Variants in NREP observed in about 807,000 individuals in gnomAD.
The protein encoded by NREP is neuronal regeneration-related protein.
Under a neutral mutation model 8.6 loss-of-function variants are expected in NREP, and 5 were observed. The ratio of observed to expected loss-of-function variants is 0.58; its 90% CI spans 0.30 to 1.22. The LOEUF (loss-of-function observed/expected upper bound fraction) is 1.22, where lower values mean the gene tolerates loss of function less well. NREP is among the 50% of genes most tolerant of loss of function. NREP has a pLI of 0.07. For synonymous variants in NREP, 27 were observed against 28.0 expected (o/e 0.96, Z 0.11); for missense variants, 86 against 82.5 (o/e 1.04, Z -0.17).
At chr5:111,907,241 T>G (rs557693960) in intron 2 of NREP, among the ~76,000 whole-genome samples, 2 of 152,280 alleles carry the variant, frequency 1.3e-5, no homozygotes, top group South Asian at 4.1e-4. Context: ...TCTTTGATAT[T>G]GTATTTAAAA....
intron 2 of NREP, among the ~76,000 whole-genome samples, chr5:111,818,689 T>C (rs1213318983): frequency 6.6e-6 from 1 of 152,224 alleles, no homozygotes; most frequent in Non-Finnish European, 1.5e-5. Context: ...TCTAGAAATG[T>C]ACCAAAGAAA....
chr5:111,772,816 A>T (rs1751262814), intron 2 of NREP, among the ~76,000 whole-genome samples: 2 of 152,196 alleles, frequency 1.3e-5, no homozygotes, highest in African/African-American at 4.8e-5. Flanking sequence ...TTTATTATGT[A>T]TTATTAATAA....
intron 2 of NREP, among the ~76,000 whole-genome samples, chr5:111,893,208 T>C (rs900297312): frequency 6.6e-6 from 1 of 152,198 alleles, no homozygotes; most frequent in Non-Finnish European, 1.5e-5. Context: ...GTCATCAGGA[T>C]GGCCTTTTGC....
At chr5:111,800,161 C>T (rs372378930) in intron 2 of NREP, among the ~76,000 whole-genome samples, 40 of 152,190 alleles carry the variant, frequency 2.6e-4, no homozygotes, top group Admixed American at 6.5e-4. Context: ...AACTCCTGCC[C>T]TTGTGATTCG....
At chr5:111,883,250 A>T (rs1754137643) in intron 2 of NREP, among the ~76,000 whole-genome samples, 1 of 152,240 alleles carries the variant, frequency 6.6e-6, no homozygotes, top group Non-Finnish European at 1.5e-5. Flanking sequence ...TGGTAAAGGG[A>T]TCAATTCAAT....
intron 2 of NREP, among the ~76,000 whole-genome samples, chr5:111,832,822 G>A (rs1752805722): frequency 6.6e-6 from 1 of 152,122 alleles, no homozygotes; most frequent in Admixed American, 6.6e-5. Flanking sequence ...TCATTCCATG[G>A]TAGGACAAAT....
chr5:111,735,529 C>T (rs1749021672), intron 2 of NREP, 22 bp from the exon 3 acceptor site: 4 of 1,563,432 alleles, frequency 2.6e-6, no homozygotes, highest in Non-Finnish European at 3.5e-6. Flanking sequence ...CAAAAGCATA[C>T]ACATTCAGAT....
chr5:111,823,202 G>C (rs184852151), intron 2 of NREP, among the ~76,000 whole-genome samples: 5 of 152,226 alleles, frequency 3.3e-5, no homozygotes, highest in Admixed American at 6.5e-5. Context: ...AATAGAGTGA[G>C]AACTCACTCA....
At chr5:111,759,602 T>G (rs1199566055), upstream of NREP, among the ~76,000 whole-genome samples, 1 of 152,176 alleles carries the variant, frequency 6.6e-6, no homozygotes, top group African/African-American at 2.4e-5. Flanking sequence ...GATTTTTAAG[T>G]ATTAAGAACA....
chr5:111,889,176 G>A (rs1014304278), intron 2 of NREP, among the ~76,000 whole-genome samples: 7 of 152,230 alleles, frequency 4.6e-5, no homozygotes, highest in African/African-American at 1.7e-4. Flanking sequence ...AAAGCATACT[G>A]CTGGTGTCTG....
chr5:111,749,429 G>GA (rs35475618), intron 2 of NREP, among the ~76,000 whole-genome samples: 123 of 144,798 alleles, frequency 8.5e-4, no homozygotes, highest in Middle Eastern at 3.6e-3. Context: ...GAGATTGCAG[G>GA]AAAAAAAAAA....
chr5:111,804,540 A>G (rs1752090754), intron 2 of NREP, among the ~76,000 whole-genome samples: 1 of 152,208 alleles, frequency 6.6e-6, no homozygotes, highest in African/African-American at 2.4e-5. Flanking sequence ...AATTTGGACT[A>G]CATTAAGCAA....
chr5:111,736,379 G>C (rs1477047549), intron 2 of NREP, among the ~76,000 whole-genome samples: 1 of 152,182 alleles, frequency 6.6e-6, no homozygotes, highest in Non-Finnish European at 1.5e-5. Flanking sequence ...ATTTAATATA[G>C]TTCTGATTGA....
chr5:111,873,329 C>T (rs908312764), intron 2 of NREP, among the ~76,000 whole-genome samples: 1 of 152,044 alleles, frequency 6.6e-6, no homozygotes, highest in Non-Finnish European at 1.5e-5. Flanking sequence ...GACTGAAAAC[C>T]ACACAAACTT....
chr5:111,864,985 T>C (rs558320981), intron 2 of NREP, among the ~76,000 whole-genome samples: 2 of 152,230 alleles, frequency 1.3e-5, no homozygotes, highest in East Asian at 1.9e-4. Flanking sequence ...TAAAGTAAAC[T>C]TTTTTTGTGT....
intron 2 of NREP, among the ~76,000 whole-genome samples, chr5:111,810,007 C>G (rs371593783): frequency 9.9e-5 from 15 of 151,384 alleles, no homozygotes; most frequent in African/African-American, 3.6e-4. Context: ...CAAGTATAGA[C>G]AGCAGTGATC....
rs574112617 is a variant in NREP at position 111,764,422 on chromosome 5, T to A, written c.136-28915A>T. Among the ~76,000 whole-genome samples the A allele has an allele frequency of 5.3e-5, 8 of 152,318 alleles. No individual in the cohort carries two copies. In the South Asian group the frequency reaches 1.5e-3, roughly 28 times the overall value. ...CATGGCTGGAGAGGCCTCACAATCA[T>A]GGCAGAAGGCAAGAAGGAGCAAGTC... On this transcript the variant is annotated intron_variant, in intron 2 of 3. Coordinates refer to the NREP transcript ENST00000395634.
At chr5:111,866,303 G>A (rs181671658) in intron 2 of NREP, among the ~76,000 whole-genome samples, 33 of 150,836 alleles carry the variant, frequency 2.2e-4, no homozygotes, top group African/African-American at 5.3e-4. Flanking sequence ...ACAAATTTAC[G>A]AGAAAAAAAA....
At chr5:111,839,734 T>C (rs1752979201) in intron 2 of NREP, among the ~76,000 whole-genome samples, 1 of 152,104 alleles carries the variant, frequency 6.6e-6, no homozygotes, top group Non-Finnish European at 1.5e-5. Context: ...TATAATAATA[T>C]AAAGTCTTAA....
Sources: gnomAD v4.1 joint callset for allele counts (sites outside exome capture counted in the v4.1 genomes callset) on GRCh38, gnomAD v4.1.1 for gene constraint, MANE v1.5 for transcripts, NCBI Gene and HGNC (gene_info 2026-07-23, HGNC 2026-07-21) for gene names.